The following TMEM230 variants were observed in gnomAD, a reference collection of about 807,000 sequenced individuals.
The protein encoded by TMEM230 is UPF0414 transmembrane protein C20orf30.
A neutral mutation model predicts 15.8 loss-of-function variants in TMEM230; 10 were observed. That is an observed-to-expected ratio of 0.63 (90% CI 0.39 to 1.07). The LOEUF is 1.07. Ranked by LOEUF, TMEM230 falls within the 50% of genes least tolerant of loss-of-function variation. The probability of loss-of-function intolerance (pLI) is 0.01; values close to 1 mark genes in which losing one functional copy is unlikely to be tolerated. For synonymous variants in TMEM230, 67 were observed against 76.9 expected, an observed-to-expected ratio of 0.87 and a Z score of 0.68; for missense variants, 165 against 193.3, an observed-to-expected ratio of 0.85 and a Z score of 0.87.
At chr20:5,074,463 T>C (rs1233823960) in intron 3 of TMEM230, among the ~76,000 whole-genome samples, 1 of 152,114 alleles carries the variant, frequency 6.6e-6, no homozygotes, top group Non-Finnish European at 1.5e-5. Flanking sequence ...CCCATTTTTC[T>C]TTGTCTAGTT....
intron 2 of TMEM230, among the ~76,000 whole-genome samples, chr20:5,110,337 T>G (rs1441911751): frequency 1.3e-5 from 2 of 151,166 alleles, no homozygotes; most frequent in Admixed American, 6.6e-5. Flanking sequence ...CAGGATGGAG[T>G]GCAGTGGCGC....
chr20:5,099,651 G>C (rs2089778114), downstream of TMEM230, among the ~76,000 whole-genome samples: 1 of 152,070 alleles, frequency 6.6e-6, no homozygotes, highest in South Asian at 2.1e-4. Flanking sequence ...CTTGGATATT[G>C]AGTAGACATC....
chr20:5,086,610 T>A (rs947400411), intron 3 of TMEM230, among the ~76,000 whole-genome samples: 1 of 151,814 alleles, frequency 6.6e-6, no homozygotes, highest in African/African-American at 2.4e-5. Context: ...TGCTTTTTTT[T>A]CTGGAAGAAT....
At chr20:5,077,334 C>G (rs1485619253) in intron 3 of TMEM230, among the ~76,000 whole-genome samples, 2 of 151,906 alleles carry the variant, frequency 1.3e-5, no homozygotes, top group Non-Finnish European at 2.9e-5. Context: ...AAAACAAAAA[C>G]CAAACATTTA....
In TMEM230 at chr20:5,069,078, G is replaced by A. The variant is rs1331342774; in HGVS notation, c.*110C>T. 4.3e-6 allele frequency: 4 copies of A among 940,446 alleles called. 1 individual carries two copies. The South Asian group carries it at 5.1e-5, about 12-fold the overall frequency. 58.3% of individuals were successfully genotyped at this position (940,446 alleles called of 1,614,324 possible). A position where few individuals can be genotyped will look rare whatever the true frequency, so the allele number is the denominator to read the frequency against. On this transcript the variant is annotated 3_prime_UTR_variant, in exon 4 of 4. Transcript: ENST00000612323. The stretch of plus-strand genomic sequence containing the variant: ...ACATATCCTGCTCTTAGTAGGAGAA[G>A]CTCTCTGCTGCATTTTACAATCAGT...
chr20:5,112,882 C>G, intron 1 of TMEM230, 79 bp downstream of exon 1: 3 of 1,547,652 alleles, frequency 1.9e-6, no homozygotes, highest in Non-Finnish European at 2.6e-6. Context: ...AGCTTGATTT[C>G]GGCGGGGAGC....
chr20:5,059,900 C>A, the TMEM230 span, among the ~76,000 whole-genome samples: 1,969 of 120,946 alleles, frequency 0.016, 38 homozygotes, highest in African/African-American at 0.06. Context: ...CTGCGTCAGC[C>A]TCCTGAGTAG....
downstream of TMEM230, among the ~76,000 whole-genome samples, chr20:5,095,731 C>T (rs2089647977): frequency 6.6e-6 from 1 of 152,192 alleles, no homozygotes; most frequent in Admixed American, 6.5e-5. Flanking sequence ...GGGTTCTTGA[C>T]ATACAGGGCT....
chr20:5,059,586 C>T, the TMEM230 span, among the ~76,000 whole-genome samples: 1 of 151,478 alleles, frequency 6.6e-6, no homozygotes, highest in Admixed American at 6.6e-5. Context: ...ATAGCCATAT[C>T]CTTGCCTTTA....
rs897321694 is a variant in TMEM230 at position 5,113,063 on chromosome 20, C to T, written c.-35G>A. 1 of 1,539,772 alleles carries T rather than the reference C, an allele frequency of 6.5e-7. No homozygotes were observed. Among genetic ancestry groups the T allele is most frequent in the South Asian group, 1.2e-5 (1 of 83,870 alleles). On this transcript the variant is annotated 5_prime_UTR_variant, in exon 1 of 5. Coordinates refer to ENST00000342308, the MANE Select transcript of TMEM230 (RefSeq NM_001009923.2). ...CGCTTAAGTGCCACTCAGCCGGCCC[C>T]AGGCGGGATCAGTGCGCCGGAAGTG...
intron 3 of TMEM230, among the ~76,000 whole-genome samples, chr20:5,079,807 T>C (rs2089125212): frequency 6.6e-6 from 1 of 152,136 alleles, no homozygotes; most frequent in Non-Finnish European, 1.5e-5. Flanking sequence ...CAGGCTGGAG[T>C]GCAGAGGTGC....
intron 3 of TMEM230, among the ~76,000 whole-genome samples, chr20:5,094,546 A>G (rs1446936031): frequency 6.6e-6 from 1 of 151,490 alleles, no homozygotes; most frequent in East Asian, 2.0e-4. Context: ...ATCTCTACTA[A>G]AAATACAAAA....
rs780788175 is a variant in TMEM230, at chr20:5,112,988, A to G, written c.41T>C (p.Val14Ala). ...GAGCGCCGCGCCAGGCCGCCCGCAC[A>G]CCCAGAGCTCGCCCACGGTTGGCAG... Residue 14 changes from valine to alanine, a missense_variant, in exon 1 of 5, where the codon GTG (valine) becomes GCG (alanine). Transcript: ENST00000342308. 5.8e-6 allele frequency: 9 copies of G among 1,550,796 alleles called. No homozygotes were observed. Among genetic ancestry groups the G allele is most frequent in the East Asian group, 2.4e-5 (1 of 41,016 alleles).
chr20:5,088,417 AAGCTGTGTTCGTGTCTCCTAACTC>A (rs1301881766), intron 3 of TMEM230, among the ~76,000 whole-genome samples: 6 of 152,156 alleles, frequency 3.9e-5, no homozygotes, highest in Admixed American at 3.3e-4. Flanking sequence ...TTGAAAAATG[AAGCTGTGTTCGTGTCTCCTAACTC>A]AGCTAGGTCA....
chr20:5,066,441 G>C (rs1454639418), downstream of TMEM230: 1 of 152,160 alleles, frequency 6.6e-6, no homozygotes, highest in East Asian at 1.9e-4. Context: ...AGGCTGAGGT[G>C]TGAGGATCAT....
At chr20:5,079,199 G>A (rs1275177073) in intron 3 of TMEM230, among the ~76,000 whole-genome samples, 2 of 151,952 alleles carry the variant, frequency 1.3e-5, no homozygotes, top group Non-Finnish European at 2.9e-5. Context: ...ATGTTGCCCA[G>A]GCTGGCCTTG....
At chr20:5,076,077 C>G (rs1024210924) in intron 3 of TMEM230, among the ~76,000 whole-genome samples, 4 of 151,684 alleles carry the variant, frequency 2.6e-5, no homozygotes, top group African/African-American at 9.7e-5. Flanking sequence ...TCACTGCACT[C>G]CAACCTGGGC....
chr20:5,087,696 CTTTTTTTTTTTT>C (rs561757286), intron 3 of TMEM230, among the ~76,000 whole-genome samples: 5 of 99,544 alleles, frequency 5.0e-5, no homozygotes, highest in African/African-American at 1.9e-4. Flanking sequence ...GAAAGTATGG[CTTTTTTTTTTTT>C]TTTTTTTTTT....
intron 3 of TMEM230, among the ~76,000 whole-genome samples, chr20:5,082,140 G>C (rs763777549): frequency 3.3e-5 from 5 of 151,722 alleles, no homozygotes; most frequent in African/African-American, 1.2e-4. Flanking sequence ...ACCTGCCTCG[G>C]CCTCCCAAAG....
Sources: gnomAD v4.1 joint callset for allele counts (sites outside exome capture counted in the v4.1 genomes callset) on GRCh38, gnomAD v4.1.1 for gene constraint, MANE v1.5 for transcripts, NCBI Gene and HGNC (gene_info 2026-07-23, HGNC 2026-07-21) for gene names.